SCLT1: variants seen among roughly 807,000 people sequenced by gnomAD.
SCLT1 encodes the protein sodium channel and clathrin linker 1.
A neutral mutation model predicts 112.8 loss-of-function variants in SCLT1; 78 were observed. That is an observed-to-expected ratio of 0.69 (90% CI 0.58 to 0.83). The LOEUF is 0.83. Ranked by LOEUF, SCLT1 falls within the 40% of genes least tolerant of loss-of-function variation. The pLI, the probability that SCLT1 is intolerant of heterozygous loss-of-function variation, is 0.00. For missense variants in SCLT1, 747 were observed against 770.4 expected, an observed-to-expected ratio of 0.97 and a Z score of 0.36; for synonymous variants, 257 against 254.7, an observed-to-expected ratio of 1.01 and a Z score of -0.09.
chr4:129,006,454 C>T (rs1441510762), intron 5 of SCLT1, among the ~76,000 whole-genome samples: 1 of 150,426 alleles, frequency 6.6e-6, no homozygotes, highest in Admixed American at 6.7e-5. Flanking sequence ...AGAAGAATTG[C>T]TTGAACCCAG....
At chr4:128,888,510 G>A (rs772305851) in intron 20 of SCLT1, among the ~76,000 whole-genome samples, 169 bp downstream of exon 20, 11 of 152,070 alleles carry the variant, frequency 7.2e-5, no homozygotes, top group Non-Finnish European at 1.5e-4. Flanking sequence ...GAGCCACCAC[G>A]CATAGCTTAT....
chr4:129,006,372 T>C (rs1487369628), intron 5 of SCLT1, among the ~76,000 whole-genome samples: 1 of 151,776 alleles, frequency 6.6e-6, no homozygotes, highest in East Asian at 1.9e-4. Flanking sequence ...ACCCCGTCTC[T>C]ACTAAAAATA....
At chr4:129,019,678 C>A (rs868242171) in intron 5 of SCLT1, among the ~76,000 whole-genome samples, 12 of 150,644 alleles carry the variant, frequency 8.0e-5, no homozygotes, top group South Asian at 4.2e-4. Flanking sequence ...AAAAAAAAAA[C>A]CATTCTAGAC....
intron 17 of SCLT1, among the ~76,000 whole-genome samples, chr4:128,938,540 T>C (rs1737403026): frequency 6.6e-6 from 1 of 152,186 alleles, no homozygotes; most frequent in African/African-American, 2.4e-5. Context: ...TTTTGAATTA[T>C]TAGATTCTGC....
At chr4:128,960,882 T>TGCAGTCC (rs1739647765) in intron 11 of SCLT1, among the ~76,000 whole-genome samples, 1 of 121,902 alleles carries the variant, frequency 8.2e-6, no homozygotes, top group South Asian at 2.6e-4. Context: ...ATTGCGCCAC[T>TGCAGTCC]GCAGTCCGCA....
At chr4:129,091,625 CTAATGT>C (rs1561077681) in intron 1 of SCLT1, among the ~76,000 whole-genome samples, 3 of 152,046 alleles carry the variant, frequency 2.0e-5, no homozygotes, top group Non-Finnish European at 1.5e-5. Context: ...AGAAATAATG[CTAATGT>C]TATTGTGTCA....
chr4:129,028,179 G>T (rs895773677), intron 5 of SCLT1, among the ~76,000 whole-genome samples: 2 of 151,950 alleles, frequency 1.3e-5, no homozygotes, highest in Non-Finnish European at 2.9e-5. Flanking sequence ...AAAACTACTT[G>T]AAATTTCATA....
chr4:129,038,691 T>G (rs1306772759), intron 5 of SCLT1, among the ~76,000 whole-genome samples: 1 of 152,210 alleles, frequency 6.6e-6, no homozygotes, highest in East Asian at 1.9e-4. Context: ...TTTATCAATA[T>G]GTTTTCTAAC....
At chr4:129,041,318 A>G (rs886660290) in intron 4 of SCLT1, among the ~76,000 whole-genome samples, 13 of 152,202 alleles carry the variant, frequency 8.5e-5, no homozygotes, top group African/African-American at 3.1e-4. Flanking sequence ...GATAAAACAG[A>G]CACTATAATT....
intron 5 of SCLT1, among the ~76,000 whole-genome samples, chr4:129,017,887 T>C (rs1350389782): frequency 6.6e-6 from 1 of 152,240 alleles, no homozygotes; most frequent in Non-Finnish European, 1.5e-5. Flanking sequence ...GTGTAAGTTC[T>C]GGAAAAAAAG....
At chr4:128,905,316 C>T (rs1734610290) in intron 18 of SCLT1, among the ~76,000 whole-genome samples, 1 of 152,076 alleles carries the variant, frequency 6.6e-6, no homozygotes, top group Non-Finnish European at 1.5e-5. Flanking sequence ...TTCAAAACTG[C>T]CCACTTCTCT....
intron 2 of SCLT1, among the ~76,000 whole-genome samples, chr4:129,062,472 C>T (rs542517177): frequency 2.0e-5 from 3 of 152,168 alleles, no homozygotes; most frequent in African/African-American, 4.8e-5. Flanking sequence ...TGACTATAAA[C>T]TTACTTTTAT....
chr4:129,027,811 T>G (rs991954253), intron 5 of SCLT1, among the ~76,000 whole-genome samples: 1 of 152,360 alleles, frequency 6.6e-6, no homozygotes, highest in Middle Eastern at 3.4e-3. Flanking sequence ...CTTAAGCTGA[T>G]AAGCAACTCA....
intron 18 of SCLT1, among the ~76,000 whole-genome samples, chr4:128,912,753 A>C (rs1044313481): frequency 1.3e-5 from 2 of 150,484 alleles, no homozygotes; most frequent in Admixed American, 1.3e-4. Context: ...CTTTGTATAT[A>C]TATATAAATA....
chr4:128,983,222 A>G (rs994732705), intron 9 of SCLT1, among the ~76,000 whole-genome samples: 3 of 152,170 alleles, frequency 2.0e-5, no homozygotes, highest in African/African-American at 7.2e-5. Flanking sequence ...CTTTTAAAAG[A>G]TAACATTGGT....
intron 2 of SCLT1, among the ~76,000 whole-genome samples, chr4:129,081,602 T>C (rs1435878710): frequency 6.6e-6 from 1 of 152,130 alleles, no homozygotes; most frequent in Non-Finnish European, 1.5e-5. Context: ...CCACCAGATC[T>C]CATGAGAACT....
At position 128,974,427 on chromosome 4, in the gene SCLT1, C is replaced by T. The variant is rs566134991; in HGVS notation, c.687-3959G>A. ...GATCAGTGTGCCAGAAAAAATGACC[C>T]TGATGGGAACTCCTGCCTGGAGCTC... On this transcript the variant is annotated intron_variant, in intron 9 of 20. Coordinates refer to ENST00000281142, the MANE Select transcript of SCLT1 (RefSeq NM_144643.4). 2.0e-5 allele frequency among the ~76,000 whole-genome samples: 3 copies of T among 151,512 alleles called. No homozygotes were observed. In the East Asian group the frequency reaches 5.8e-4, roughly 29 times the overall value.
intron 18 of SCLT1, among the ~76,000 whole-genome samples, chr4:128,931,697 C>A (rs188078545): frequency 1.0e-3 from 155 of 152,282 alleles, no homozygotes; most frequent in Non-Finnish European, 1.6e-3. Flanking sequence ...CTCTTGACCT[C>A]GTGATCAGCC....
chr4:129,080,798 C>T (rs1444678265), intron 2 of SCLT1, among the ~76,000 whole-genome samples: 2 of 152,164 alleles, frequency 1.3e-5, no homozygotes, highest in Non-Finnish European at 2.9e-5. Flanking sequence ...CATTCTCACA[C>T]TCCTATAAAG....
Sources: allele counts gnomAD v4.1 joint callset (sites outside exome capture counted in the v4.1 genomes callset), GRCh38; gene constraint gnomAD v4.1.1; transcripts MANE v1.5; gene names NCBI Gene and HGNC (gene_info 2026-07-23, HGNC 2026-07-21).